The following TBC1D1 variants were observed in gnomAD, a reference collection of about 807,000 sequenced individuals.
TBC1D1 encodes the protein TBC1 (tre-2/USP6, BUB2, cdc16) domain family, member 1.
In TBC1D1, 89 loss-of-function variants were observed where a neutral mutation model predicts 125.6. The ratio of observed to expected loss-of-function variants is 0.71; its 90% CI spans 0.60 to 0.85. TBC1D1 has a LOEUF of 0.85. Among genes scored for constraint, TBC1D1 ranks in the 40% least tolerant of loss-of-function variants. TBC1D1 has a pLI of 0.00. For missense variants in TBC1D1, 1,377 were observed against 1,469.2 expected (o/e 0.94, Z 1.03); for synonymous variants, 565 against 564.1 (o/e 1.00, Z -0.02).
At chr4:38,104,159 C>CAAAA (rs71658758) in intron 15 of TBC1D1, among the ~76,000 whole-genome samples, 8,388 of 83,252 alleles carry the variant, frequency 0.1, 909 homozygotes, top group East Asian at 0.4. Context: ...GACTCTGTCT[C>CAAAA]AAAAAAAAAA....
chr4:37,940,908 C>T (rs987941863), intron 2 of TBC1D1, among the ~76,000 whole-genome samples: 8 of 152,094 alleles, frequency 5.3e-5, no homozygotes, highest in East Asian at 3.9e-4. Flanking sequence ...TTTTGATGTG[C>T]GGCTGGGTTC....
At chr4:38,086,051 C>T (rs1757428762) in intron 12 of TBC1D1, among the ~76,000 whole-genome samples, 2 of 152,176 alleles carry the variant, frequency 1.3e-5, no homozygotes, top group Admixed American at 1.3e-4. Flanking sequence ...AAATTTAGAA[C>T]AAAGATTTTT....
intron 17 of TBC1D1, 33 bp from the exon 20 acceptor site, chr4:38,124,929 G>T: frequency 6.2e-7 from 1 of 1,603,210 alleles, no homozygotes; most frequent in South Asian, 1.1e-5. Flanking sequence ...AAACTGGTCT[G>T]GTTTAACTTT....
intron 2 of TBC1D1, among the ~76,000 whole-genome samples, chr4:37,985,484 G>T (rs1043989251): frequency 6.6e-6 from 1 of 152,056 alleles, no homozygotes; most frequent in Non-Finnish European, 1.5e-5. Context: ...AGACTCACAG[G>T]CTCTGTTCTT....
Position 38,014,566 on chromosome 4 carries a change from C to T in TBC1D1, c.475C>T (p.Leu159=). 1 of 1,613,376 alleles carries T rather than the reference C, an allele frequency of 6.2e-7. No homozygotes were observed. The highest frequency in any genetic ancestry group is 1.6e-4 in the Middle Eastern group (1 of 6,062). ...GGGGAAGATCGCCCGGCAGGAGGAG[C>T]TGCACTGCCCGTCCGAGTTCGACGA... is the stretch of plus-strand genomic sequence containing the variant. The change falls in exon 3 of 20, where the codon CTG becomes TTG. Residue 159 remains leucine, a synonymous_variant. Coordinates refer to ENST00000261439, the MANE Select transcript of TBC1D1 (RefSeq NM_015173.4). The surrounding 1 kb of genome is among the most constrained non-coding windows in gnomAD (Gnocchi z 5.1).
intron 2 of TBC1D1, among the ~76,000 whole-genome samples, chr4:37,954,083 G>C (rs1728428702): frequency 6.6e-6 from 1 of 152,122 alleles, no homozygotes; most frequent in South Asian, 2.1e-4. Context: ...AGAGTGGCTG[G>C]ATCTAAATCA....
At chr4:38,111,507 G>A (rs888514122) in intron 15 of TBC1D1, among the ~76,000 whole-genome samples, 1 of 152,036 alleles carries the variant, frequency 6.6e-6, no homozygotes, top group Non-Finnish European at 1.5e-5. Context: ...AAAAATGACT[G>A]TTTTCCAAAA....
intron 18 of TBC1D1, among the ~76,000 whole-genome samples, chr4:38,130,717 G>A (rs2152631920): frequency 6.6e-6 from 1 of 152,346 alleles, no homozygotes; most frequent in South Asian, 2.1e-4. Flanking sequence ...CACTTGTCCA[G>A]CCTCAGGAGT....
intron 10 of TBC1D1, among the ~76,000 whole-genome samples, chr4:38,046,118 C>T (rs1749405282): frequency 6.6e-6 from 1 of 152,174 alleles, no homozygotes; most frequent in African/African-American, 2.4e-5. Context: ...GTAATCTCAG[C>T]ACTTTGAGAG....
chr4:37,939,388 A>G (rs1232062203), intron 2 of TBC1D1, among the ~76,000 whole-genome samples: 1 of 152,062 alleles, frequency 6.6e-6, no homozygotes, highest in African/African-American at 2.4e-5. Context: ...TTTCTTGTAA[A>G]TTTGTTTGAG....
At position 38,014,792 on chromosome 4, in the gene TBC1D1, A is replaced by G; in HGVS notation, c.701A>G (p.Lys234Arg). ...GAGCCTGTGCGCAGGCCCATGCGCA[A>G]GTCCTTCTCCCAGCCCGGCCTGCGC... is the stretch of plus-strand genomic sequence containing the variant. The change falls in exon 3 of 20, where the codon AAG (lysine) becomes AGG (arginine). Residue 234 changes from lysine (K) to arginine (R), a missense_variant. By Grantham distance (26) the Lys-to-Arg change is conservative. Around this residue, in one of 3 missense-constraint regions of TBC1D1, gnomAD observed 822 missense variants for 824.6 expected, o/e 1.00. Coordinates refer to ENST00000261439, the MANE Select transcript of TBC1D1 (RefSeq NM_015173.4). The surrounding 1 kb of genome is among the most constrained non-coding windows in gnomAD (Gnocchi z 5.1). The G allele has an allele frequency of 6.2e-7, 1 of 1,604,620 alleles. No homozygotes were observed. Among genetic ancestry groups the G allele is most frequent in the Non-Finnish European group, 8.5e-7 (1 of 1,175,322 alleles).
intron 9 of TBC1D1, 48 bp from the exon 10 acceptor site, chr4:38,045,769 T>C (rs1173028140): frequency 3.3e-6 from 5 of 1,508,264 alleles, no homozygotes. Flanking sequence ...GCTGATGCCT[T>C]TGCAAAAGCC....
At chr4:37,945,016 G>A (rs1191589544) in intron 2 of TBC1D1, among the ~76,000 whole-genome samples, 1 of 152,180 alleles carries the variant, frequency 6.6e-6, no homozygotes, top group Non-Finnish European at 1.5e-5. Flanking sequence ...CAGAACTAGT[G>A]GTTATAAATC....
intron 12 of TBC1D1, among the ~76,000 whole-genome samples, chr4:38,077,452 A>C (rs1755785813): frequency 6.6e-6 from 1 of 152,196 alleles, no homozygotes; most frequent in Non-Finnish European, 1.5e-5. Flanking sequence ...ATTTTGTGGC[A>C]TAAACCTTAA....
chr4:37,932,884 C>G (rs1723552407), intron 2 of TBC1D1, among the ~76,000 whole-genome samples: 1 of 152,022 alleles, frequency 6.6e-6, no homozygotes, highest in Non-Finnish European at 1.5e-5. Context: ...TGGTGAAACC[C>G]CATCTCTACT....
At chr4:37,963,292 C>T (rs1485405974) in intron 2 of TBC1D1, among the ~76,000 whole-genome samples, 1 of 152,124 alleles carries the variant, frequency 6.6e-6, no homozygotes, top group East Asian at 1.9e-4. Flanking sequence ...GTGGCATCTG[C>T]TCAGCTTCTG....
At chr4:37,954,855 C>T (rs1578026935) in intron 2 of TBC1D1, among the ~76,000 whole-genome samples, 1 of 135,950 alleles carries the variant, frequency 7.4e-6, no homozygotes, top group Non-Finnish European at 1.5e-5. Context: ...TCATATGACT[C>T]TTAGCAGTGG....
At chr4:37,980,827 A>G (rs945749347) in intron 2 of TBC1D1, among the ~76,000 whole-genome samples, 2 of 152,198 alleles carry the variant, frequency 1.3e-5, no homozygotes, top group Non-Finnish European at 2.9e-5. Context: ...TACTTTTTGT[A>G]TATAAGCAGT....
chr4:38,020,733 T>C, intron 5 of TBC1D1, 38 bp downstream of exon 5: 2 of 1,562,828 alleles, frequency 1.3e-6, no homozygotes, highest in Non-Finnish European at 1.8e-6. Context: ...TGGAACCTTC[T>C]TTACAAGGAA....
Sources: gnomAD v4.1 joint callset for allele counts (sites outside exome capture counted in the v4.1 genomes callset) on GRCh38, gnomAD v4.1.1 for gene constraint, gnomAD v4.1.1 regional missense constraint, Gnocchi (gnomAD v3.1) non-coding constraint, MANE v1.5 for transcripts, NCBI Gene and HGNC (gene_info 2026-07-23, HGNC 2026-07-21) for gene names.